FSTL5: variants seen among roughly 807,000 people sequenced by gnomAD.
FSTL5 encodes the protein follistatin-related protein 5.
FSTL5 carries 62 observed loss-of-function variants against 89.1 expected under a neutral mutation model. The ratio of observed to expected loss-of-function variants is 0.70; its 90% CI spans 0.57 to 0.86. FSTL5 has a LOEUF of 0.86. Ranked by LOEUF, FSTL5 falls within the 40% of genes least tolerant of loss-of-function variation. FSTL5 has a pLI of 0.00. For missense variants in FSTL5, 1,057 were observed against 1,001.6 expected, an observed-to-expected ratio of 1.06 and a Z score of -0.75; for synonymous variants, 383 against 346.2, an observed-to-expected ratio of 1.11 and a Z score of -1.18.
At chr4:161,978,094 C>T (rs1735715859) in intron 3 of FSTL5, among the ~76,000 whole-genome samples, 1 of 152,156 alleles carries the variant, frequency 6.6e-6, no homozygotes, top group Non-Finnish European at 1.5e-5. Context: ...ACTGTGCCTG[C>T]AGAGTGCAGT....
At chr4:161,668,783 A>T (rs1736983204) in intron 6 of FSTL5, among the ~76,000 whole-genome samples, 1 of 152,284 alleles carries the variant, frequency 6.6e-6, no homozygotes, top group South Asian at 2.1e-4. Flanking sequence ...AGATTTATAT[A>T]AAAAATTTTA....
chr4:161,385,440 C>T lies in FSTL5; in HGVS notation c.*307G>A, dbSNP rs991862378. 6.9e-5 allele frequency: 17 copies of T among 246,782 alleles called. No homozygotes were observed. The highest frequency in any genetic ancestry group is 1.2e-4 in the Non-Finnish European group (15 of 129,072). The allele number at this position is 246,782 out of a possible 1,614,324, so 15.3% of individuals were successfully genotyped here. A position where few individuals can be genotyped will look rare whatever the true frequency, so the allele number is the denominator to read the frequency against. On this transcript the variant is annotated 3_prime_UTR_variant, in exon 16 of 16. Coordinates refer to ENST00000306100, the MANE Select transcript of FSTL5 (RefSeq NM_020116.5). ...ATAATGCTTTATGTCATCTGAAATT[C>T]CCTGCAGTTTAGTTTTTTAAATGAT...
chr4:162,163,638 C>T lies in FSTL5; in HGVS notation c.-40G>A, dbSNP rs1455138597. The stretch of plus-strand genomic sequence containing the variant: ...ACCTTATTTTAACAGTCACAAAAGT[C>T]CCCCAGAAAGATTCCTAAACGCTGT... On this transcript the variant is annotated 5_prime_UTR_variant, in exon 1 of 16. Transcript: ENST00000306100. The T allele has an allele frequency of 6.6e-6, 1 of 151,258 alleles. No individual in the cohort carries two copies. The highest frequency in any genetic ancestry group is 1.5e-5 in the Non-Finnish European group (1 of 67,880). 9.4% of individuals were successfully genotyped at this position (151,258 alleles called of 1,614,324 possible).
chr4:161,566,421 G>A (rs1732819626), intron 8 of FSTL5, among the ~76,000 whole-genome samples: 1 of 151,624 alleles, frequency 6.6e-6, no homozygotes, highest in African/African-American at 2.4e-5. Context: ...TGAACATAGG[G>A]CTGCATATAT....
At chr4:161,640,705 G>C (rs1038214543) in intron 7 of FSTL5, among the ~76,000 whole-genome samples, 1 of 152,120 alleles carries the variant, frequency 6.6e-6, no homozygotes, top group African/African-American at 2.4e-5. Flanking sequence ...CATGCATTGT[G>C]GGATCTCCAG....
chr4:161,611,305 G>A (rs951812402), intron 7 of FSTL5, among the ~76,000 whole-genome samples: 37 of 141,300 alleles, frequency 2.6e-4, no homozygotes, highest in East Asian at 2.1e-3. Flanking sequence ...CATTTATTAC[G>A]TAAAGGACTG....
chr4:161,676,702 A>T (rs941517341), intron 6 of FSTL5, among the ~76,000 whole-genome samples: 1 of 151,810 alleles, frequency 6.6e-6, no homozygotes, highest in African/African-American at 2.4e-5. Context: ...TCCTAAAAAA[A>T]CAAACTTACA....
intron 4 of FSTL5, among the ~76,000 whole-genome samples, chr4:161,863,260 A>T (rs1731974612): frequency 6.6e-6 from 1 of 152,314 alleles, no homozygotes; most frequent in East Asian, 1.9e-4. Context: ...ATCATGATGA[A>T]CAAGGTAGGT....
At chr4:161,669,679 T>C (rs1737029492) in intron 6 of FSTL5, among the ~76,000 whole-genome samples, 1 of 152,006 alleles carries the variant, frequency 6.6e-6, no homozygotes, top group South Asian at 2.1e-4. Context: ...AACAAAAAAC[T>C]ATAAAAATCC....
intron 4 of FSTL5, among the ~76,000 whole-genome samples, chr4:161,831,689 A>C (rs1730850872): frequency 1.3e-5 from 2 of 151,932 alleles, no homozygotes; most frequent in South Asian, 4.1e-4. Context: ...TTTAGTTTTA[A>C]AAAGTAAGAA....
At chr4:161,431,215 A>T (rs1275452823) in intron 15 of FSTL5, among the ~76,000 whole-genome samples, 4 of 152,214 alleles carry the variant, frequency 2.6e-5, no homozygotes, top group African/African-American at 9.6e-5. Context: ...AGACTAAAAA[A>T]TGAACCTATC....
chr4:161,418,049 C>T (rs999474236), intron 15 of FSTL5, among the ~76,000 whole-genome samples: 4 of 152,138 alleles, frequency 2.6e-5, no homozygotes, highest in African/African-American at 9.7e-5. Flanking sequence ...GTGAAGCTTA[C>T]AAGTGCTCCC....
At chr4:161,486,781 C>A (rs182207765) in intron 12 of FSTL5, among the ~76,000 whole-genome samples, 297 of 152,236 alleles carry the variant, frequency 2.0e-3, no homozygotes, top group Non-Finnish European at 3.4e-3. Flanking sequence ...ATTACTCTTT[C>A]CTAGTGCCCC....
chr4:161,476,291 G>T (rs1462307782), intron 13 of FSTL5, among the ~76,000 whole-genome samples: 1 of 146,554 alleles, frequency 6.8e-6, no homozygotes, highest in Non-Finnish European at 1.5e-5. Context: ...GAGTTCAAGC[G>T]ATTCTCCTGC....
chr4:161,440,092 G>A (rs1732707714), intron 15 of FSTL5, among the ~76,000 whole-genome samples: 1 of 152,064 alleles, frequency 6.6e-6, no homozygotes, highest in South Asian at 2.1e-4. Context: ...GACTTTACAG[G>A]TCACCTCACA....
chr4:162,096,745 T>C (rs1730768223), intron 2 of FSTL5, among the ~76,000 whole-genome samples: 1 of 151,928 alleles, frequency 6.6e-6, no homozygotes, highest in South Asian at 2.1e-4. Context: ...GTTTACTATA[T>C]GTTATAAAAG....
intron 4 of FSTL5, among the ~76,000 whole-genome samples, chr4:161,871,686 T>C (rs532364689): frequency 1.5e-3 from 229 of 152,338 alleles, no homozygotes; most frequent in Non-Finnish European, 2.8e-3. Flanking sequence ...TATTTGACCA[T>C]CTGCAGACAG....
At chr4:161,516,126 T>C (rs1016531503) in intron 10 of FSTL5, among the ~76,000 whole-genome samples, 2 of 148,566 alleles carry the variant, frequency 1.3e-5, no homozygotes, top group African/African-American at 2.4e-5. Flanking sequence ...TATTATATTC[T>C]TATATATATA....
chr4:161,461,859 C>T (rs17398698), intron 13 of FSTL5, among the ~76,000 whole-genome samples: 31,072 of 151,678 alleles, frequency 0.2, 3,992 homozygotes, highest in Non-Finnish European at 0.29. Flanking sequence ...TTGCATGCAG[C>T]TTTAAATGGA....
Sources: allele counts gnomAD v4.1 joint callset (sites outside exome capture counted in the v4.1 genomes callset), GRCh38; gene constraint gnomAD v4.1.1; transcripts MANE v1.5; gene names NCBI Gene and HGNC (gene_info 2026-07-23, HGNC 2026-07-21).